Variants in SFMBT2 observed in about 807,000 individuals in gnomAD.
The protein encoded by SFMBT2 is Scm like with four mbt domains 2.
Under a neutral mutation model 110.1 loss-of-function variants are expected in SFMBT2, and 38 were observed. The observed-to-expected ratio is 0.35, with a 90% CI of 0.27 to 0.45. SFMBT2 has a LOEUF of 0.45. Ranked by LOEUF, SFMBT2 falls within the 20% of genes least tolerant of loss-of-function variation. The probability of loss-of-function intolerance (pLI) is 1.00; values close to 1 mark genes in which losing one functional copy is unlikely to be tolerated. For missense variants in SFMBT2, 1,011 were observed against 1,094.9 expected (o/e 0.92, Z 1.08); for synonymous variants, 425 against 425.4 (o/e 1.00, Z 0.01).
At chr10:7,348,190 G>C (rs1844177225) in intron 4 of SFMBT2, 2 of 918,166 alleles carry the variant, frequency 2.2e-6, no homozygotes, top group South Asian at 2.4e-5. Context: ...AAGGGTTTGG[G>C]TTGGTTTATG....
At chr10:7,350,624 G>A (rs542974432) in intron 4 of SFMBT2, among the ~76,000 whole-genome samples, 23 of 152,072 alleles carry the variant, frequency 1.5e-4, no homozygotes, top group Non-Finnish European at 2.8e-4. Context: ...GTTGGTTTAC[G>A]GCATTCCCAC....
At chr10:7,335,582 A>AACACAC (rs3065781) in intron 4 of SFMBT2, among the ~76,000 whole-genome samples, 37,870 of 142,672 alleles carry the variant, frequency 0.27, 5,012 homozygotes, top group East Asian at 0.3. Context: ...CAGAAACAGA[A>AACACAC]ACACACACAC....
intron 12 of SFMBT2, chr10:7,204,102 T>A (rs1588334906): frequency 4.4e-6 from 1 of 225,244 alleles, no homozygotes; most frequent in East Asian, 1.8e-4. Context: ...TTAGAAATAT[T>A]TTTAAGTAAG....
At chr10:7,317,896 G>C (rs543444649) in intron 4 of SFMBT2, among the ~76,000 whole-genome samples, 1 of 152,174 alleles carries the variant, frequency 6.6e-6, no homozygotes, top group Non-Finnish European at 1.5e-5. Flanking sequence ...AAAGATATTT[G>C]ACTTCGTTAT....
intron 7 of SFMBT2, among the ~76,000 whole-genome samples, chr10:7,267,277 A>G (rs888629923): frequency 4.6e-5 from 7 of 152,106 alleles, no homozygotes; most frequent in Non-Finnish European, 2.9e-5. Context: ...TCTGCTTTCT[A>G]TCCTTTCACT....
intron 16 of SFMBT2, among the ~76,000 whole-genome samples, chr10:7,181,903 G>A (rs1838255412): frequency 6.6e-6 from 1 of 152,198 alleles, no homozygotes; most frequent in Non-Finnish European, 1.5e-5. Flanking sequence ...CTGCATTTAT[G>A]TAATGAAGCT....
At chr10:7,211,788 G>C (rs1366151953) in intron 11 of SFMBT2, among the ~76,000 whole-genome samples, 1 of 152,116 alleles carries the variant, frequency 6.6e-6, no homozygotes, top group Admixed American at 6.6e-5. Context: ...TTTCAATTTT[G>C]CAAGTATCTC....
chr10:7,276,962 T>G lies in SFMBT2; in HGVS notation c.800A>C (p.Glu267Ala). The G allele has an allele frequency of 1.1e-6, 1 of 872,892 alleles. No individual in the cohort carries two copies. Among genetic ancestry groups the G allele is most frequent in the Non-Finnish European group, 2.0e-6 (1 of 501,602 alleles). The allele number at this position is 872,892 out of a possible 1,614,324, so 54.1% of individuals were successfully genotyped here. A position where few individuals can be genotyped will look rare whatever the true frequency, so the allele number is the denominator to read the frequency against. Residue 267 changes from glutamate to alanine, a missense_variant, in exon 7 of 21, where the codon GAA (glutamate) becomes GCA (alanine). Around this residue, in one of 2 missense-constraint regions of SFMBT2, gnomAD observed 979 missense variants for 1,016.1 expected, o/e 0.96. Transcript: ENST00000397167. ...SEIYPLKMAS[E>A]WKCTLEKSLI... is the part of the protein sequence containing the mutation. ...GGATTTTTCCAGAGTACATTTCCAT[T>G]CAGAGGCCATCTTCAAAGGATAGAT...
chr10:7,310,315 G>A (rs962310436), intron 4 of SFMBT2, among the ~76,000 whole-genome samples: 1 of 152,216 alleles, frequency 6.6e-6, no homozygotes, highest in Non-Finnish European at 1.5e-5. Flanking sequence ...GGGCATGAAT[G>A]CCAGGCGCTG....
chr10:7,335,009 T>C (rs1843674013), intron 4 of SFMBT2, among the ~76,000 whole-genome samples: 1 of 152,178 alleles, frequency 6.6e-6, no homozygotes, highest in Admixed American at 6.5e-5. Flanking sequence ...GATGCTTTAA[T>C]GTTCAAAAGA....
At chr10:7,338,608 TG>T (rs1843791375) in intron 4 of SFMBT2, among the ~76,000 whole-genome samples, 1 of 152,006 alleles carries the variant, frequency 6.6e-6, no homozygotes, top group South Asian at 2.1e-4. Flanking sequence ...ACTACATAGG[TG>T]AGGAGGAGTA....
intron 9 of SFMBT2, among the ~76,000 whole-genome samples, chr10:7,230,297 C>A (rs767031854): frequency 2.0e-5 from 3 of 152,150 alleles, no homozygotes; most frequent in Non-Finnish European, 4.4e-5. Flanking sequence ...TCAAAGATTT[C>A]TAGACAGGAC....
intron 2 of SFMBT2, among the ~76,000 whole-genome samples, chr10:7,377,806 C>A (rs747281968): frequency 6.6e-6 from 1 of 152,156 alleles, no homozygotes; most frequent in African/African-American, 2.4e-5. Context: ...CAGCCCAGTT[C>A]GTAACAGCCC....
chr10:7,178,675 G>C (rs1838148502), intron 16 of SFMBT2, among the ~76,000 whole-genome samples: 1 of 152,126 alleles, frequency 6.6e-6, no homozygotes, highest in South Asian at 2.1e-4. Context: ...CCTGCCCCAA[G>C]AAAAACCGCA....
chr10:7,302,984 A>G (rs920857027), intron 4 of SFMBT2, among the ~76,000 whole-genome samples: 1 of 147,114 alleles, frequency 6.8e-6, no homozygotes, highest in African/African-American at 2.5e-5. Context: ...ACATTTCAAT[A>G]AAAACTTTGC....
At chr10:7,213,215 C>T (rs1471775924) in intron 11 of SFMBT2, among the ~76,000 whole-genome samples, 1 of 150,560 alleles carries the variant, frequency 6.6e-6, no homozygotes, top group Non-Finnish European at 1.5e-5. Context: ...CCTGCACGTT[C>T]TGCACACGTA....
intron 12 of SFMBT2, chr10:7,205,035 T>C (rs1839083558): frequency 3.5e-6 from 2 of 574,412 alleles, no homozygotes; most frequent in Non-Finnish European, 4.4e-6. Context: ...TAAAGTACAG[T>C]TGAAATATCA....
At chr10:7,201,661 T>C in intron 13 of SFMBT2, among the ~76,000 whole-genome samples, 1 of 152,236 alleles carries the variant, frequency 6.6e-6, no homozygotes, top group East Asian at 1.9e-4. Flanking sequence ...CAGTGTATTT[T>C]TATTTACTTA....
intron 7 of SFMBT2, among the ~76,000 whole-genome samples, 167 bp from the exon 8 acceptor site, chr10:7,248,816 T>C (rs1840706649): frequency 6.6e-6 from 1 of 152,230 alleles, no homozygotes; most frequent in Admixed American, 6.5e-5. Context: ...ACGGATTTAA[T>C]TATTTTCTGC....
Sources: gnomAD v4.1 joint callset for allele counts (sites outside exome capture counted in the v4.1 genomes callset) on GRCh38, gnomAD v4.1.1 for gene constraint, gnomAD v4.1.1 regional missense constraint, MANE v1.5 for transcripts, NCBI Gene and HGNC (gene_info 2026-07-23, HGNC 2026-07-21) for gene names.